The following RAB44 variants were observed in gnomAD, a reference collection of about 807,000 sequenced individuals.
RAB44 encodes ras-related protein Rab-44.
Under a neutral mutation model 93.3 loss-of-function variants are expected in RAB44, and 67 were observed. The observed-to-expected ratio is 0.72, with a 90% confidence interval of 0.59 to 0.88. The LOEUF (loss-of-function observed/expected upper bound fraction) is 0.88, where lower values mean the gene tolerates loss of function less well. Ranked by LOEUF, RAB44 falls within the 40% of genes least tolerant of loss-of-function variation. The pLI is 0.00. For missense variants in RAB44, 1,064 were observed against 1,261.7 expected, an observed-to-expected ratio of 0.84 and a Z score of 2.37; for synonymous variants, 427 against 520.3, an observed-to-expected ratio of 0.82 and a Z score of 2.44.
intron 2 of RAB44, among the ~76,000 whole-genome samples, chr6:36,712,553 C>T (rs986734278): frequency 4.6e-5 from 7 of 151,956 alleles, no homozygotes; most frequent in Non-Finnish European, 8.8e-5. Context: ...TTAGTAGAGA[C>T]GGAGTTTCAC....
intron 2 of RAB44, among the ~76,000 whole-genome samples, chr6:36,705,443 A>C (rs1051079822): frequency 8.2e-6 from 1 of 121,304 alleles, no homozygotes; most frequent in Admixed American, 1.1e-4. Context: ...TCTCAGAGGC[A>C]CGATCTCAGC....
chr6:36,707,673 T>C (rs1044592745), intron 2 of RAB44, among the ~76,000 whole-genome samples: 4 of 152,210 alleles, frequency 2.6e-5, no homozygotes, highest in African/African-American at 9.7e-5. Context: ...GAAGCATAAA[T>C]AGTTCATCGA....
At chr6:36,705,738 G>C (rs1014564177) in intron 2 of RAB44, among the ~76,000 whole-genome samples, 3 of 152,056 alleles carry the variant, frequency 2.0e-5, no homozygotes, top group African/African-American at 7.2e-5. Context: ...TGTATAAAAG[G>C]CTGCTGTCAT....
In RAB44 at chr6:36,730,706, G is replaced by A. The variant is rs114457485; in HGVS notation, c.2932G>A (p.Ala978Thr). Residue 978 changes from alanine to threonine, a missense_variant, in exon 13 of 14, where the codon GCC (alanine) becomes ACC (threonine). By Grantham distance (58) the Ala-to-Thr change is moderately conservative. Transcript: ENST00000612677. ...LGVYFGECSA[A>T]LGHNILEPVV... ...GGTCTATTTTGGGGAGTGCAGTGCC[G>A]CCTTGGGTCACAACATCCTGGAGCC... The A allele has an allele frequency of 2.7e-5, 33 of 1,234,102 alleles. No homozygotes were observed. Among genetic ancestry groups the A allele is most frequent in the African/African-American group, 6.2e-5 (4 of 64,400 alleles). The allele number at this position is 1,234,102 out of a possible 1,614,324, so 76.4% of individuals were successfully genotyped here.
At chr6:36,716,056 C>G (rs1465091841) in intron 4 of RAB44, among the ~76,000 whole-genome samples, 1 of 152,190 alleles carries the variant, frequency 6.6e-6, no homozygotes, top group Non-Finnish European at 1.5e-5. Context: ...GTGAAGGTTC[C>G]TGGAGTTGGG....
intron 2 of RAB44, among the ~76,000 whole-genome samples, chr6:36,709,566 G>A (rs983832271): frequency 3.3e-5 from 5 of 152,224 alleles, no homozygotes; most frequent in South Asian, 4.1e-4. Flanking sequence ...TGTTGTTGCC[G>A]TTGTTTTGAG....
chr6:36,718,830 C>T (rs1192874858), intron 7 of RAB44, among the ~76,000 whole-genome samples: 3 of 152,122 alleles, frequency 2.0e-5, no homozygotes, highest in East Asian at 3.9e-4. Context: ...CTTGCTGCTG[C>T]CCGGACACTG....
intron 1 of RAB44, among the ~76,000 whole-genome samples, chr6:36,702,357 GT>G (rs1300508981): frequency 2.1e-5 from 3 of 146,056 alleles, no homozygotes; most frequent in African/African-American, 5.2e-5. Context: ...TCTGTTTGAA[GT>G]TTGGGGCCTC....
At chr6:36,698,223 C>T (rs189723897) in intron 1 of RAB44, among the ~76,000 whole-genome samples, 108 of 152,268 alleles carry the variant, frequency 7.1e-4, no homozygotes, top group African/African-American at 2.6e-3. Flanking sequence ...GAACAAGACA[C>T]TAGGTGGTCT....
In RAB44 at chr6:36,727,673, C is replaced by T. The variant is rs927073909; in HGVS notation, c.2778C>T (p.Tyr926=). The T allele has an allele frequency of 4.5e-6, 7 of 1,550,068 alleles. No individual in the cohort carries two copies. The African/African-American group carries it at 9.6e-5, about 21-fold the overall frequency. ...TSQESFAHVR[Y]WLDCLQDAGS... Reference sequence around the variant, plus strand: ...AGGAGAGCTTTGCCCACGTGCGCTACTGGCTAGACTGTCTCCAGGTGAGCA... The same window carrying T: ...AGGAGAGCTTTGCCCACGTGCGCTATTGGCTAGACTGTCTCCAGGTGAGCA... Residue 926 remains tyrosine, a synonymous_variant, in exon 11 of 14, where the codon TAC becomes TAT. Transcript: ENST00000612677.
chr6:36,708,295 TC>T (rs1365443554), intron 2 of RAB44, among the ~76,000 whole-genome samples: 1 of 152,102 alleles, frequency 6.6e-6, no homozygotes, highest in Non-Finnish European at 1.5e-5. Context: ...GCATGCAATT[TC>T]TGAAATATTG....
Position 36,722,133 on chromosome 6 carries a change from C to T in RAB44, c.1999C>T (p.His667Tyr), listed in dbSNP as rs929828196. 2.4e-6 allele frequency: 3 copies of T among 1,236,620 alleles called. No individual in the cohort carries two copies. Among genetic ancestry groups the T allele is most frequent in the Middle Eastern group, 2.1e-4 (1 of 4,850 alleles). 76.6% of individuals were successfully genotyped at this position (1,236,620 alleles called of 1,614,324 possible). The change falls in exon 9 of 14, where the codon CAC (histidine) becomes TAC (tyrosine). Residue 667 changes from histidine (H) to tyrosine (Y), a missense_variant. Physicochemically the swap from His to Tyr is moderately conservative, Grantham distance 83. Transcript: ENST00000612677. ...GCTGGGTGAGCTGTCTGCCTTCCCCCACCAGGAGCTGGAAGAGGAACCCAG... is the reference window on the plus strand; with the variant it reads ...GCTGGGTGAGCTGTCTGCCTTCCCCTACCAGGAGCTGGAAGAGGAACCCAG... Reference protein sequence around the residue: ...LGLGELSAFPHQELEEEPRSE... With the variant: ...LGLGELSAFPYQELEEEPRSE...
At chr6:36,709,910 A>G (rs1277790059) in intron 2 of RAB44, among the ~76,000 whole-genome samples, 2 of 152,190 alleles carry the variant, frequency 1.3e-5, no homozygotes, top group Non-Finnish European at 2.9e-5. Flanking sequence ...AGAAAGAACT[A>G]AGGGTAAATA....
chr6:36,704,045 G>A (rs1375741991), intron 1 of RAB44, among the ~76,000 whole-genome samples, 179 bp from the exon 2 acceptor site: 1 of 152,196 alleles, frequency 6.6e-6, no homozygotes, highest in African/African-American at 2.4e-5. Context: ...CAGAATGGAC[G>A]AGAGGCCATG....
chr6:36,717,536 C>T lies in RAB44; in HGVS notation c.641+117C>T. On this transcript the variant is annotated intron_variant, in intron 5 of 13. Coordinates refer to ENST00000612677, the MANE Select transcript of RAB44 (RefSeq NM_001257357.2). The surrounding 1 kb of genome is among the most constrained non-coding windows in gnomAD (Gnocchi z 4.1). ...AGCTGGGCCTGTGAGCTGGATAGGGCAGAGCTGCGCTGGAGGAAGAGGTGG... is the reference window on the plus strand; with the variant it reads ...AGCTGGGCCTGTGAGCTGGATAGGGTAGAGCTGCGCTGGAGGAAGAGGTGG... The T allele has an allele frequency of 8.9e-7, 1 of 1,120,638 alleles. No homozygotes were observed. The highest frequency in any genetic ancestry group is 1.1e-6 in the Non-Finnish European group (1 of 887,716). 69.4% of individuals were successfully genotyped at this position (1,120,638 alleles called of 1,614,324 possible).
chr6:36,720,230 C>T (rs1323825196), intron 7 of RAB44, 133 bp from the exon 8 acceptor site: 4 of 698,246 alleles, frequency 5.7e-6, no homozygotes, highest in Admixed American at 4.3e-5. Context: ...CCGCCCACCA[C>T]TACTCTGATT....
At chr6:36,701,932 T>G (rs1289715638) in intron 1 of RAB44, among the ~76,000 whole-genome samples, 1 of 149,812 alleles carries the variant, frequency 6.7e-6, no homozygotes, top group East Asian at 2.0e-4. Flanking sequence ...TTTTCCTAAT[T>G]CACTTAAAGG....
At chr6:36,714,884 G>C (rs1296843046) in intron 3 of RAB44, among the ~76,000 whole-genome samples, 1 of 152,212 alleles carries the variant, frequency 6.6e-6, no homozygotes, top group African/African-American at 2.4e-5. Flanking sequence ...CATCTTGCTA[G>C]CCTGGCTCCT....
chr6:36,724,060 C>T (rs1467487270), intron 9 of RAB44, among the ~76,000 whole-genome samples: 1 of 151,924 alleles, frequency 6.6e-6, no homozygotes, highest in South Asian at 2.1e-4. Flanking sequence ...AATGCAGTTC[C>T]CTCGGGAAGA....
Sources: gnomAD v4.1 joint callset for allele counts (sites outside exome capture counted in the v4.1 genomes callset) on GRCh38, gnomAD v4.1.1 for gene constraint, Gnocchi (gnomAD v3.1) non-coding constraint, MANE v1.5 for transcripts, NCBI Gene and HGNC (gene_info 2026-07-23, HGNC 2026-07-21) for gene names.